Variants in CC2D2A observed in about 807,000 individuals in gnomAD.
CC2D2A encodes coiled-coil and C2 domain containing 2A, also known as coiled-coil and C2 domain-containing protein 2A.
CC2D2A carries 155 observed loss-of-function variants against 212.9 expected under a neutral mutation model. That is an observed-to-expected ratio of 0.73 (90% CI 0.64 to 0.83). The LOEUF is 0.83. CC2D2A is among the 40% of genes least tolerant of loss of function. The pLI, the probability that CC2D2A is intolerant of heterozygous loss-of-function variation, is 0.00. For synonymous variants in CC2D2A, 667 were observed against 686.5 expected (o/e 0.97, Z 0.44); for missense variants, 1,856 against 1,956.2 (o/e 0.95, Z 0.97).
intron 19 of CC2D2A, among the ~76,000 whole-genome samples, chr4:15,553,786 G>A (rs1164794267): frequency 6.6e-6 from 1 of 152,128 alleles, no homozygotes; most frequent in Non-Finnish European, 1.5e-5. Flanking sequence ...CTCACCCTAG[G>A]CCAGCCCCTC....
intron 4 of CC2D2A, chr4:15,492,834 A>C: frequency 1.6e-6 from 1 of 627,484 alleles, no homozygotes; most frequent in East Asian, 3.6e-5. Context: ...GGGCAATGCC[A>C]GCCCCAGCAT....
chr4:15,580,409 G>A (rs777574083), intron 30 of CC2D2A, among the ~76,000 whole-genome samples: 8 of 152,106 alleles, frequency 5.3e-5, no homozygotes, highest in Admixed American at 1.3e-4. Flanking sequence ...AGGCCAAGGC[G>A]GGCAGATGAC....
chr4:15,574,138 T>C lies in CC2D2A; in HGVS notation c.3595-12T>C, dbSNP rs1393531283. On this transcript the variant is annotated splice_polypyrimidine_tract_variant and intron_variant, in intron 28 of 36. Transcript: ENST00000424120. ...GCATCAGGATGTTTACCAAGTCATA[T>C]TTTCTTCACAGATTGATGGAACATT... is the stretch of plus-strand genomic sequence containing the variant. 2 of 1,531,696 alleles carry C rather than the reference T, an allele frequency of 1.3e-6. No individual in the cohort carries two copies. Among genetic ancestry groups the C allele is most frequent in the East Asian group, 2.5e-5 (1 of 40,596 alleles). 94.9% of individuals were successfully genotyped at this position (1,531,696 alleles called of 1,614,324 possible).
At chr4:15,576,368 T>A in intron 29 of CC2D2A, 1 of 984,722 alleles carries the variant, frequency 1.0e-6, no homozygotes, top group African/African-American at 1.7e-5. Flanking sequence ...CAGCAATACT[T>A]CCTGGATTAG....
rs1010321112 is a variant in CC2D2A, at chr4:15,548,360, C to T, written c.2182-2464C>T. Among the ~76,000 whole-genome samples, 9 of 152,174 alleles carry T rather than the reference C, an allele frequency of 5.9e-5. No homozygotes were observed. The South Asian group carries it at 1.9e-3, about 32-fold the overall frequency. ...CGCCTTCCACTGACGTCCTCAGAAA[C>T]ACCCTTTATGTGATCACTTATGTTT... On this transcript the variant is annotated intron_variant, in intron 17 of 36. Coordinates refer to ENST00000424120, the MANE Select transcript of CC2D2A (RefSeq NM_001378615.1).
rs545715120 is a variant in CC2D2A at position 15,540,288 on chromosome 4, GT to G, written c.2004-538del. On this transcript the variant is annotated intron_variant, in intron 16 of 36. Transcript: ENST00000424120. ...TAAAATTAAAGACCAATGGGAGGTT[GT>G]TTTTTTTTTTAACTTTCTGATTCAA... Among the ~76,000 whole-genome samples the G allele has an allele frequency of 3.5e-3, 501 of 142,320 alleles. 4 individuals carry two copies. The highest frequency in any genetic ancestry group is 5.1e-3 in the African/African-American group (199 of 39,064). The allele number at this position is 142,320 out of a possible 152,430, so 93.4% of individuals were successfully genotyped here. A position where few individuals can be genotyped will look rare whatever the true frequency, so the allele number is the denominator to read the frequency against.
intron 28 of CC2D2A, 115 bp from the exon 29 acceptor site, chr4:15,574,035 T>G: frequency 1.3e-6 from 1 of 793,596 alleles, no homozygotes; most frequent in Non-Finnish European, 2.0e-6. Context: ...TGGCTTTGAA[T>G]GCCAGTCTGA....
At chr4:15,545,916 C>T (rs1718685881) in intron 17 of CC2D2A, among the ~76,000 whole-genome samples, 1 of 152,010 alleles carries the variant, frequency 6.6e-6, no homozygotes, top group East Asian at 1.9e-4. Flanking sequence ...TGAGACCACC[C>T]TGTGCAACCT....
intron 36 of CC2D2A, among the ~76,000 whole-genome samples, chr4:15,600,628 C>T (rs1337804906): frequency 6.6e-6 from 1 of 152,094 alleles, no homozygotes; most frequent in Non-Finnish European, 1.5e-5. Context: ...TATTGTCGGG[C>T]GCTATGGCTC....
intron 36 of CC2D2A, among the ~76,000 whole-genome samples, chr4:15,600,917 A>AAAAAAAG (rs1560201612): frequency 6.7e-6 from 1 of 149,836 alleles, no homozygotes; most frequent in Non-Finnish European, 1.5e-5. Flanking sequence ...AAAAAAAAAA[A>AAAAAAAG]AAAAGAAAAA....
At chr4:15,595,062 G>A (rs1234783722) in intron 33 of CC2D2A, among the ~76,000 whole-genome samples, 3 of 152,022 alleles carry the variant, frequency 2.0e-5, no homozygotes, top group African/African-American at 4.8e-5. Context: ...TGATCCTCCC[G>A]CTTTGGCCTC....
chr4:15,551,886 C>T (rs1454847308), intron 18 of CC2D2A, among the ~76,000 whole-genome samples: 2 of 151,954 alleles, frequency 1.3e-5, no homozygotes, highest in Non-Finnish European at 2.9e-5. Context: ...TATTTAAGGC[C>T]GAATCCAATC....
chr4:15,503,451 G>A (rs1716079552), intron 6 of CC2D2A, among the ~76,000 whole-genome samples: 1 of 152,212 alleles, frequency 6.6e-6, no homozygotes, highest in African/African-American at 2.4e-5. Context: ...AGGAAACTGA[G>A]GGTCAGAGTA....
At chr4:15,598,715 G>T in intron 35 of CC2D2A, among the ~76,000 whole-genome samples, 1 of 152,176 alleles carries the variant, frequency 6.6e-6, no homozygotes, top group African/African-American at 2.4e-5. Context: ...ATCATGGATA[G>T]AATTCACTAT....
Position 15,527,427 on chromosome 4 carries a change from C to T in CC2D2A, c.1150-20C>T, listed in dbSNP as rs770645644. On this transcript the variant is annotated intron_variant, in intron 11 of 36. Coordinates refer to ENST00000424120, the MANE Select transcript of CC2D2A (RefSeq NM_001378615.1). Reference sequence around the variant, plus strand: ...AAGTGCTTTAACTGTGTTCTGTCTACACTCTGCTTTCCTTGGCAGGCTGTA... The same window carrying T: ...AAGTGCTTTAACTGTGTTCTGTCTATACTCTGCTTTCCTTGGCAGGCTGTA... The T allele has an allele frequency of 1.3e-6, 2 of 1,588,630 alleles. No individual in the cohort carries two copies. The highest frequency in any genetic ancestry group is 1.1e-5 in the South Asian group (1 of 89,326).
intron 4 of CC2D2A, chr4:15,481,187 T>G: frequency 2.2e-6 from 1 of 457,442 alleles, no homozygotes; most frequent in Non-Finnish European, 4.4e-6. Flanking sequence ...CTTGCTCTGT[T>G]CACTCACAGG....
In CC2D2A at chr4:15,492,164, A is replaced by G. The variant is rs143173821; in HGVS notation, c.248-10265A>G. Among the ~76,000 whole-genome samples the G allele has an allele frequency of 3.0e-3, 462 of 152,102 alleles. 1 individual carries two copies. Among genetic ancestry groups the G allele is most frequent in the African/African-American group, 0.011 (439 of 41,516 alleles). On this transcript the variant is annotated intron_variant, in intron 4 of 36. Transcript: ENST00000424120. ...TTAAATGGACTTTACATTTTTTTCT[A>G]TTGCTTGGGTCAAAAACTTGGAGTC...
At chr4:15,600,644 T>G (rs925987099) in intron 36 of CC2D2A, among the ~76,000 whole-genome samples, 1 of 152,142 alleles carries the variant, frequency 6.6e-6, no homozygotes, top group Non-Finnish European at 1.5e-5. Flanking sequence ...GGCTCACACC[T>G]GTAACCCCAG....
intron 32 of CC2D2A, 56 bp downstream of exon 32, chr4:15,587,985 G>A: frequency 2.0e-6 from 2 of 981,482 alleles, no homozygotes; most frequent in Non-Finnish European, 3.2e-6. Context: ...ATCGAGTTGT[G>A]TGTTCCAGAT....
Sources: gnomAD v4.1 joint callset for allele counts (sites outside exome capture counted in the v4.1 genomes callset) on GRCh38, gnomAD v4.1.1 for gene constraint, MANE v1.5 for transcripts, NCBI Gene and HGNC (gene_info 2026-07-23, HGNC 2026-07-21) for gene names.